Variants in GLIS3 observed in about 807,000 individuals in gnomAD.
GLIS3 encodes the protein GLIS family zinc finger 3.
A neutral mutation model predicts 78.6 loss-of-function variants in GLIS3; 53 were observed. The observed-to-expected ratio is 0.67, with a 90% CI of 0.54 to 0.85. GLIS3 has a LOEUF of 0.85. Among genes scored for constraint, GLIS3 ranks in the 40% least tolerant of loss-of-function variants. The pLI is 0.00. For missense variants in GLIS3, 1,703 were observed against 1,231.1 expected, an observed-to-expected ratio of 1.38 and a Z score of -5.74; for synonymous variants, 684 against 509.9, an observed-to-expected ratio of 1.34 and a Z score of -4.60.
chr9:4,142,186 T>A (rs1196817019), intron 2 of GLIS3, among the ~76,000 whole-genome samples: 1 of 152,222 alleles, frequency 6.6e-6, no homozygotes, highest in Non-Finnish European at 1.5e-5. Context: ...AATTAAGAGT[T>A]GTGCTTATGT....
At chr9:4,385,933 A>C in the GLIS3 span, among the ~76,000 whole-genome samples, 2 of 152,216 alleles carry the variant, frequency 1.3e-5, no homozygotes, top group African/African-American at 2.4e-5. Context: ...CATCTGTACC[A>C]ATCATGCAAC....
At chr9:4,172,179 T>A (rs763875930) in intron 2 of GLIS3, among the ~76,000 whole-genome samples, 1 of 152,172 alleles carries the variant, frequency 6.6e-6, no homozygotes, top group African/African-American at 2.4e-5. Flanking sequence ...CACATGAATA[T>A]GTATTTCTTA....
chr9:4,054,605 T>C, intron 4 of GLIS3: 1 of 379,754 alleles, frequency 2.6e-6, no homozygotes, highest in Non-Finnish European at 3.6e-6. Context: ...CATTCAGAGC[T>C]TAAAGATCTA....
chr9:4,251,105 G>C (rs1016185871), intron 2 of GLIS3, among the ~76,000 whole-genome samples: 1 of 152,210 alleles, frequency 6.6e-6, no homozygotes, highest in Non-Finnish European at 1.5e-5. Context: ...GGAGAGTTCT[G>C]TAAATGTCTA....
the GLIS3 span, among the ~76,000 whole-genome samples, chr9:4,456,980 C>A: frequency 6.6e-6 from 1 of 152,128 alleles, no homozygotes; most frequent in South Asian, 2.1e-4. Flanking sequence ...AAATGTGACA[C>A]AGACATGACA....
intron 6 of GLIS3, among the ~76,000 whole-genome samples, chr9:3,926,468 G>A (rs1209960804): frequency 6.6e-6 from 1 of 152,002 alleles, no homozygotes; most frequent in African/African-American, 2.4e-5. Flanking sequence ...CTGACCTCAT[G>A]ATCCGCCTGT....
At chr9:3,886,266 T>C (rs1461303743) in intron 7 of GLIS3, among the ~76,000 whole-genome samples, 2 of 152,102 alleles carry the variant, frequency 1.3e-5, no homozygotes, top group Non-Finnish European at 2.9e-5. Context: ...TCAAATAAGC[T>C]TTTTGTTGTT....
At chr9:4,248,009 T>C (rs1285718733) in intron 2 of GLIS3, among the ~76,000 whole-genome samples, 1 of 152,212 alleles carries the variant, frequency 6.6e-6, no homozygotes, top group Non-Finnish European at 1.5e-5. Context: ...TGAAACTCTG[T>C]ACCCTTGGAC....
At chr9:3,919,660 AT>A (rs1185357088) in intron 6 of GLIS3, among the ~76,000 whole-genome samples, 3 of 151,444 alleles carry the variant, frequency 2.0e-5, no homozygotes, top group African/African-American at 7.3e-5. Context: ...AAAAAAAAAA[AT>A]TAAAAATAAA....
chr9:4,410,261 G>C, the GLIS3 span, among the ~76,000 whole-genome samples: 21 of 151,992 alleles, frequency 1.4e-4, no homozygotes, highest in Admixed American at 3.9e-4. Context: ...ACAGGCATGA[G>C]CCACCACACC....
chr9:4,254,808 C>G (rs920345182), intron 2 of GLIS3, among the ~76,000 whole-genome samples: 4 of 150,920 alleles, frequency 2.7e-5, no homozygotes, highest in Non-Finnish European at 5.9e-5. Flanking sequence ...CCACTGCACT[C>G]CAGCCTGGCC....
At chr9:4,386,935 A>G in the GLIS3 span, among the ~76,000 whole-genome samples, 1 of 152,146 alleles carries the variant, frequency 6.6e-6, no homozygotes, top group African/African-American at 2.4e-5. Flanking sequence ...CTTGGGGCAT[A>G]GTCCCTGTTG....
the GLIS3 span, among the ~76,000 whole-genome samples, chr9:4,479,527 A>G: frequency 6.6e-6 from 1 of 152,194 alleles, no homozygotes; most frequent in African/African-American, 2.4e-5. Context: ...ACATTGGGCC[A>G]GTTCACAGAG....
chr9:4,191,556 A>C (rs2131220099), intron 2 of GLIS3, among the ~76,000 whole-genome samples: 1 of 152,332 alleles, frequency 6.6e-6, no homozygotes, highest in Admixed American at 6.5e-5. Flanking sequence ...GTGGTTTCTG[A>C]ATACCATGTC....
At chr9:4,282,221 G>A (rs1827624390) in intron 2 of GLIS3, among the ~76,000 whole-genome samples, 1 of 152,106 alleles carries the variant, frequency 6.6e-6, no homozygotes, top group South Asian at 2.1e-4. Flanking sequence ...CGTGTAAACT[G>A]TACCTTGCCC....
the GLIS3 span, among the ~76,000 whole-genome samples, chr9:4,394,918 G>A: frequency 2.6e-5 from 4 of 152,148 alleles, no homozygotes; most frequent in Non-Finnish European, 5.9e-5. Context: ...ACTATAATTA[G>A]CTATCTAATC....
At chr9:4,316,036 C>A (rs74661850) in intron 2 of GLIS3, among the ~76,000 whole-genome samples, 4 of 152,102 alleles carry the variant, frequency 2.6e-5, no homozygotes, top group Non-Finnish European at 4.4e-5. Context: ...CTGGGATGAT[C>A]ACAATGGAAA....
At chr9:4,391,417 C>T in the GLIS3 span, among the ~76,000 whole-genome samples, 3 of 152,126 alleles carry the variant, frequency 2.0e-5, no homozygotes, top group Non-Finnish European at 4.4e-5. Flanking sequence ...GGATTAATAA[C>T]AGTAGACTTT....
the GLIS3 span, among the ~76,000 whole-genome samples, chr9:4,444,776 G>A: frequency 6.6e-6 from 1 of 152,176 alleles, no homozygotes; most frequent in Non-Finnish European, 1.5e-5. Context: ...AGGCTTTGCT[G>A]CATCTGGGGG....
Sources: gnomAD v4.1 joint callset for allele counts (sites outside exome capture counted in the v4.1 genomes callset) on GRCh38, gnomAD v4.1.1 for gene constraint, MANE v1.5 for transcripts, NCBI Gene and HGNC (gene_info 2026-07-23, HGNC 2026-07-21) for gene names.